CCDC122: variants seen among roughly 807,000 people sequenced by gnomAD.
CCDC122 encodes coiled-coil domain containing 122, also known as coiled-coil domain-containing protein 122.
Under a neutral mutation model 37.0 loss-of-function variants are expected in CCDC122, and 38 were observed. That is an observed-to-expected ratio of 1.03 (90% CI 0.79 to 1.35). The LOEUF (loss-of-function observed/expected upper bound fraction) is 1.35, where lower values mean the gene tolerates loss of function less well. Among genes scored for constraint, CCDC122 ranks in the 40% most tolerant of loss-of-function variants. The pLI is 0.00. For missense variants in CCDC122, 305 were observed against 310.0 expected (o/e 0.98, Z 0.12); for synonymous variants, 83 against 95.6 (o/e 0.87, Z 0.77).
chr13:43,836,481 T>C lies in CCDC122; in HGVS notation c.*799A>G, dbSNP rs936535585. ...AGTAAAATATTTGAAGCATTGAACA[T>C]ACAAAAACATTATTATAAATATCAA... On this transcript the variant is annotated 3_prime_UTR_variant, in exon 7 of 7. Coordinates refer to ENST00000444614, the MANE Select transcript of CCDC122 (RefSeq NM_144974.5). The C allele has an allele frequency of 6.6e-6, 1 of 152,192 alleles. No homozygotes were observed. Among genetic ancestry groups the C allele is most frequent in the African/African-American group, 2.4e-5 (1 of 41,448 alleles). The allele number at this position is 152,192 out of a possible 1,614,324, so 9.4% of individuals were successfully genotyped here. A position where few individuals can be genotyped will look rare whatever the true frequency, so the allele number is the denominator to read the frequency against.
rs1363990911 is a variant in CCDC122, at chr13:43,837,349, C to T, written c.753G>A (p.Trp251Ter). 1.2e-6 allele frequency: 2 copies of T among 1,613,960 alleles called. No individual in the cohort carries two copies. The highest frequency in any genetic ancestry group is 8.5e-7 in the Non-Finnish European group (1 of 1,179,956). ...VNKLQSNRRQ[W>*]QWNIQQLEKT... Reference sequence around the variant, plus strand: ...TTTCCAATTGTTGAATGTTCCATTGCCACTGTCGTCTATTTGACTGAAGCT... The same window carrying T: ...TTTCCAATTGTTGAATGTTCCATTGTCACTGTCGTCTATTTGACTGAAGCT... Residue 251 changes from tryptophan (W) to a stop codon, truncating the protein, a stop_gained, in exon 7 of 7, where the codon TGG becomes TGA. Transcript: ENST00000444614. LOFTEE classifies it high-confidence loss of function.
At chr13:43,851,575 C>G (rs906730765) in intron 6 of CCDC122, among the ~76,000 whole-genome samples, 8 of 152,124 alleles carry the variant, frequency 5.3e-5, no homozygotes, top group African/African-American at 1.9e-4. Context: ...AGGCAAGCAC[C>G]CCAGGACTCA....
At chr13:43,829,374 C>T (rs1362803327) in intron 3 of CCDC122, among the ~76,000 whole-genome samples, 2 of 152,038 alleles carry the variant, frequency 1.3e-5, no homozygotes, top group Admixed American at 1.3e-4. Context: ...GGTGCGATCT[C>T]GGCTCACTGC....
At chr13:43,862,871 A>G (rs566351161) in intron 4 of CCDC122, among the ~76,000 whole-genome samples, 1 of 151,800 alleles carries the variant, frequency 6.6e-6, no homozygotes, top group African/African-American at 2.4e-5. Context: ...TATTGGCTTT[A>G]GTTTCTTTTG....
intron 6 of CCDC122, among the ~76,000 whole-genome samples, chr13:43,839,196 A>G (rs771176546): frequency 2.0e-5 from 3 of 152,158 alleles, no homozygotes; most frequent in Non-Finnish European, 4.4e-5. Flanking sequence ...ACCACAATCA[A>G]TTTTAAAACA....
At chr13:43,848,418 C>CT (rs751929859) in intron 6 of CCDC122, among the ~76,000 whole-genome samples, 2,191 of 145,736 alleles carry the variant, frequency 0.015, 18 homozygotes, top group Non-Finnish European at 0.022. Flanking sequence ...GGAAATAACA[C>CT]TTTTTTTTTT....
chr13:43,833,759 G>C (rs576923993), downstream of CCDC122, among the ~76,000 whole-genome samples: 144 of 134,814 alleles, frequency 1.1e-3, 1 homozygote, highest in Non-Finnish European at 1.6e-3. Flanking sequence ...GTGCAGAGCA[G>C]TGTCCCTGAT....
At chr13:43,852,482 T>C (rs1401491592) in intron 6 of CCDC122, among the ~76,000 whole-genome samples, 2 of 151,954 alleles carry the variant, frequency 1.3e-5, no homozygotes, top group Non-Finnish European at 2.9e-5. Context: ...AAATATTGAA[T>C]TATGTAAAGA....
In CCDC122 at chr13:43,836,457, G is replaced by A. The variant is rs1409118176; in HGVS notation, c.*823C>T. On this transcript the variant is annotated 3_prime_UTR_variant, in exon 7 of 7. Transcript: ENST00000444614. Reference sequence around the variant, plus strand: ...CCTTCTGGATAAAAGAGAAAATGGAGTAAAATATTTGAAGCATTGAACATA... The same window carrying A: ...CCTTCTGGATAAAAGAGAAAATGGAATAAAATATTTGAAGCATTGAACATA... The A allele has an allele frequency of 6.6e-6, 1 of 152,182 alleles. No individual in the cohort carries two copies. The highest frequency in any genetic ancestry group is 1.9e-4 in the East Asian group (1 of 5,268). The allele number at this position is 152,182 out of a possible 1,614,324, so 9.4% of individuals were successfully genotyped here.
chr13:43,849,257 A>T, intron 6 of CCDC122: 1 of 190,544 alleles, frequency 5.2e-6, no homozygotes, highest in Non-Finnish European at 9.7e-6. Flanking sequence ...AAGAAGTTTT[A>T]TGATGGAAAC....
chr13:43,847,986 G>A (rs896800064), intron 6 of CCDC122, among the ~76,000 whole-genome samples: 1 of 152,082 alleles, frequency 6.6e-6, no homozygotes, highest in African/African-American at 2.4e-5. Flanking sequence ...TGCTGTCCAG[G>A]CTGGTCTCAA....
At chr13:43,864,116 G>C (rs992497528) in intron 4 of CCDC122, among the ~76,000 whole-genome samples, 1 of 152,114 alleles carries the variant, frequency 6.6e-6, no homozygotes, top group Non-Finnish European at 1.5e-5. Context: ...CTTCTCTACT[G>C]AATTGCTTTG....
At chr13:43,868,550 T>C (rs1009868832) in intron 4 of CCDC122, 144 bp downstream of exon 4, 9 of 456,956 alleles carry the variant, frequency 2.0e-5, no homozygotes, top group African/African-American at 1.2e-4. Flanking sequence ...GGAATAGCCA[T>C]GTAAACCTTA....
chr13:43,852,629 G>A (rs2153873202), intron 6 of CCDC122, among the ~76,000 whole-genome samples: 1 of 152,082 alleles, frequency 6.6e-6, no homozygotes, highest in East Asian at 1.9e-4. Context: ...TTCAGGAAGT[G>A]CAGAGAACCC....
At chr13:43,819,991 A>G (rs922621708), downstream of CCDC122, among the ~76,000 whole-genome samples, 1 of 152,032 alleles carries the variant, frequency 6.6e-6, no homozygotes, top group African/African-American at 2.4e-5. Flanking sequence ...TAAAATTGTT[A>G]TTATTATTTT....
At chr13:43,853,757 C>T (rs576534554) in intron 6 of CCDC122, among the ~76,000 whole-genome samples, 1 of 152,178 alleles carries the variant, frequency 6.6e-6, no homozygotes, top group African/African-American at 2.4e-5. Context: ...CACTCCTCAG[C>T]AAATGTGAAA....
At chr13:43,868,652 GA>G in intron 4 of CCDC122, 41 bp downstream of exon 4, 1 of 1,028,030 alleles carries the variant, frequency 9.7e-7, no homozygotes, top group Non-Finnish European at 1.4e-6. Context: ...ATTTACTTTT[GA>G]AGAAAGTAAA....
chr13:43,865,170 C>T (rs1954238249), intron 4 of CCDC122, among the ~76,000 whole-genome samples: 1 of 152,150 alleles, frequency 6.6e-6, no homozygotes. Flanking sequence ...TTCCTGAGTT[C>T]TGTGAGTCAT....
At chr13:43,845,635 C>T (rs1260104285) in intron 6 of CCDC122, among the ~76,000 whole-genome samples, 1 of 152,182 alleles carries the variant, frequency 6.6e-6, no homozygotes, top group Non-Finnish European at 1.5e-5. Context: ...TTGCTGGAGC[C>T]CGGGAGGCAG....
Sources: gnomAD v4.1 joint callset for allele counts (sites outside exome capture counted in the v4.1 genomes callset) on GRCh38, gnomAD v4.1.1 for gene constraint, MANE v1.5 for transcripts, NCBI Gene and HGNC (gene_info 2026-07-23, HGNC 2026-07-21) for gene names.